NIPAL3: variants seen among roughly 807,000 people sequenced by gnomAD.
The protein encoded by NIPAL3 is NIPA-like protein 3.
NIPAL3 carries 41 observed loss-of-function variants against 47.2 expected under a neutral mutation model. The ratio of observed to expected loss-of-function variants is 0.87; its 90% CI spans 0.68 to 1.13. The LOEUF (loss-of-function observed/expected upper bound fraction) is 1.13. NIPAL3 is among the 50% of genes most tolerant of loss of function. The pLI is 0.00. For missense variants in NIPAL3, 449 were observed against 530.1 expected, an observed-to-expected ratio of 0.85 and a Z score of 1.50; for synonymous variants, 194 against 209.6, an observed-to-expected ratio of 0.93 and a Z score of 0.64.
intron 10 of NIPAL3, among the ~76,000 whole-genome samples, chr1:24,462,631 G>A (rs1053531131): frequency 6.6e-6 from 1 of 151,766 alleles, no homozygotes; most frequent in African/African-American, 2.4e-5. Flanking sequence ...GCCAGGCGTG[G>A]TGGCTTGCAC....
chr1:24,466,171 A>C, intron 11 of NIPAL3: 642 of 1,345,010 alleles, frequency 4.8e-4, no homozygotes, highest in Non-Finnish European at 6.1e-4. Context: ...TGGCACTCTC[A>C]GCCAGGCCTT....
At position 24,458,330 on chromosome 1, in the gene NIPAL3, GAGAA is replaced by G. The variant is rs560683928; in HGVS notation, c.774-555_774-552del. On this transcript the variant is annotated intron_variant, in intron 8 of 11. Coordinates refer to ENST00000374399, the MANE Select transcript of NIPAL3 (RefSeq NM_020448.5). The stretch of plus-strand genomic sequence containing the variant: ...TGAGCATGGTGTAAGCAACTATGCA[GAGAA>G]AGGGCAAAGAATATCTTCCAAAACA... Among the ~76,000 whole-genome samples, 18 of 152,348 alleles carry G rather than the reference GAGAA, an allele frequency of 1.2e-4. No individual in the cohort carries two copies. In the South Asian group the frequency reaches 3.7e-3, roughly 32 times the overall value.
At chr1:24,437,921 G>A (rs1645197510) in intron 2 of NIPAL3, among the ~76,000 whole-genome samples, 1 of 152,194 alleles carries the variant, frequency 6.6e-6, no homozygotes, top group African/African-American at 2.4e-5. Context: ...TCAAGTGAGA[G>A]TCATAGATGT....
intron 6 of NIPAL3, among the ~76,000 whole-genome samples, chr1:24,452,502 A>G (rs1645985543): frequency 1.3e-5 from 2 of 152,184 alleles, no homozygotes; most frequent in Non-Finnish European, 2.9e-5. Context: ...TTATGGGCCC[A>G]TAAAAAGAAT....
chr1:24,419,866 G>C, intron 2 of NIPAL3: 1 of 428,242 alleles, frequency 2.3e-6, no homozygotes, highest in South Asian at 2.2e-5. Flanking sequence ...GGCGGGTCAC[G>C]AGGTCAAGAG....
intron 2 of NIPAL3, among the ~76,000 whole-genome samples, chr1:24,435,399 G>C (rs1396759844): frequency 6.6e-6 from 1 of 152,164 alleles, no homozygotes; most frequent in Non-Finnish European, 1.5e-5. Context: ...GGCTTCTTTT[G>C]TGTTAAATAG....
intron 2 of NIPAL3, among the ~76,000 whole-genome samples, chr1:24,422,289 G>A (rs1163768209): frequency 6.6e-6 from 1 of 152,176 alleles, no homozygotes; most frequent in African/African-American, 2.4e-5. Flanking sequence ...CTGTTGGGAA[G>A]GGTATCAGAC....
At chr1:24,456,094 C>T (rs1190476898) in intron 7 of NIPAL3, 44 bp from the exon 8 acceptor site, 1 of 1,611,736 alleles carries the variant, frequency 6.2e-7, no homozygotes, top group Non-Finnish European at 8.5e-7. Context: ...TAACTCTCTG[C>T]ATTTCCCTGA....
chr1:24,471,182 C>T lies in NIPAL3; in HGVS notation c.*1997C>T, dbSNP rs1296528657. ...AGCATATAAAATAGGGTGATCACCC[C>T]CGAGGCAGAGGGGCCAGCATTTGCA... is the stretch of plus-strand genomic sequence containing the variant. On this transcript the variant is annotated 3_prime_UTR_variant, in exon 12 of 12. Coordinates refer to ENST00000374399, the MANE Select transcript of NIPAL3 (RefSeq NM_020448.5). 2.0e-5 allele frequency: 3 copies of T among 152,192 alleles called. No homozygotes were observed. The highest frequency in any genetic ancestry group is 6.5e-5 in the Admixed American group (1 of 15,276). The allele number at this position is 152,192 out of a possible 1,614,324, so 9.4% of individuals were successfully genotyped here.
intron 3 of NIPAL3, among the ~76,000 whole-genome samples, chr1:24,441,301 G>A (rs1296892819): frequency 2.6e-5 from 4 of 152,138 alleles, no homozygotes; most frequent in African/African-American, 4.8e-5. Context: ...GAGACCACGT[G>A]GTCTCTTAGC....
chr1:24,425,375 C>G (rs1644531521), intron 2 of NIPAL3, among the ~76,000 whole-genome samples: 1 of 151,994 alleles, frequency 6.6e-6, no homozygotes, highest in Admixed American at 6.6e-5. Context: ...TATGTGTTAC[C>G]CAAGACAATT....
At chr1:24,438,474 C>T (rs560205798) in intron 2 of NIPAL3, among the ~76,000 whole-genome samples, 1 of 152,364 alleles carries the variant, frequency 6.6e-6, no homozygotes, top group African/African-American at 2.4e-5. Flanking sequence ...TGCCCTCTCC[C>T]GTCCCTGGCC....
chr1:24,449,530 C>G lies in NIPAL3; in HGVS notation c.444C>G (p.Thr148=), dbSNP rs1645833043. 6 of 1,614,036 alleles carry G rather than the reference C, an allele frequency of 3.7e-6. No individual in the cohort carries two copies. Among genetic ancestry groups the G allele is most frequent in the African/African-American group, 1.3e-5 (1 of 75,012 alleles). The change falls in exon 6 of 12, where the codon ACC becomes ACG. Residue 148 remains threonine (T), a synonymous_variant. Coordinates refer to ENST00000374399, the MANE Select transcript of NIPAL3 (RefSeq NM_020448.5). This position sits in a 1 kb window ranked among gnomAD's most constrained non-coding sequence, Gnocchi z 4.5. ...FVGCGLAVVG[T]YLLVTFAPNS... ...GCTGCGGTTTGGCTGTCGTGGGTAC[C>G]TACCTGCTGGTGACATTCGCACCCA...
In NIPAL3 at chr1:24,471,063, C is replaced by T. The variant is rs1204206296; in HGVS notation, c.*1878C>T. On this transcript the variant is annotated 3_prime_UTR_variant, in exon 12 of 12. Coordinates refer to ENST00000374399, the MANE Select transcript of NIPAL3 (RefSeq NM_020448.5). ...GAAAATGACCGTCATGGAGACCCTGCTAAAGGTCGGACCCTGAGCCCAAAG... is the reference window on the plus strand; with the variant it reads ...GAAAATGACCGTCATGGAGACCCTGTTAAAGGTCGGACCCTGAGCCCAAAG... The T allele has an allele frequency of 6.6e-6, 1 of 152,222 alleles. No individual in the cohort carries two copies. The highest frequency in any genetic ancestry group is 1.9e-4 in the East Asian group (1 of 5,192). 9.4% of individuals were successfully genotyped at this position (152,222 alleles called of 1,614,324 possible). A position where few individuals can be genotyped will look rare whatever the true frequency, so the allele number is the denominator to read the frequency against.
Position 24,445,252 on chromosome 1 carries a change from C to G in NIPAL3, c.394+8C>G, listed in dbSNP as rs760613330. ...AACCGAAAGACTTTCTGAGTAAGTT[C>G]AGTGATTTGAGCTGTGTCCTTGATT... On this transcript the variant is annotated splice_region_variant and intron_variant, in intron 5 of 11. Transcript: ENST00000374399. 6.3e-7 allele frequency: 1 copy of G among 1,591,410 alleles called. No individual in the cohort carries two copies. The highest frequency in any genetic ancestry group is 1.7e-5 in the Admixed American group (1 of 59,958).
At chr1:24,418,210 A>G (rs1408362498) in intron 1 of NIPAL3, among the ~76,000 whole-genome samples, 1 of 152,244 alleles carries the variant, frequency 6.6e-6, no homozygotes, top group Non-Finnish European at 1.5e-5. Context: ...TATTAAAATA[A>G]ACATAGACTA....
At chr1:24,444,565 C>T (rs747656406) in intron 4 of NIPAL3, among the ~76,000 whole-genome samples, 22 of 152,154 alleles carry the variant, frequency 1.4e-4, no homozygotes, top group Admixed American at 1.1e-3. Context: ...AACTGAGACT[C>T]AGGTGAAGTG....
chr1:24,460,812 A>T (rs919302040), intron 10 of NIPAL3, among the ~76,000 whole-genome samples: 3 of 152,214 alleles, frequency 2.0e-5, no homozygotes, highest in Non-Finnish European at 2.9e-5. Flanking sequence ...CGGATCTAAG[A>T]AATGCATATT....
rs111983390 is a variant in NIPAL3, at chr1:24,453,590, G to A, written c.637+86G>A. On this transcript the variant is annotated intron_variant, in intron 7 of 11. Coordinates refer to ENST00000374399, the MANE Select transcript of NIPAL3 (RefSeq NM_020448.5). ...GGGTTTTGTTTGCAGAGCTGTAGCCGCTGGGCACAGAAGTTGCTTGAGACT... is the reference window on the plus strand; with the variant it reads ...GGGTTTTGTTTGCAGAGCTGTAGCCACTGGGCACAGAAGTTGCTTGAGACT... The A allele has an allele frequency of 2.4e-4, 256 of 1,054,216 alleles. No homozygotes were observed. The African/African-American group carries it at 3.5e-3, about 15-fold the overall frequency. 65.3% of individuals were successfully genotyped at this position (1,054,216 alleles called of 1,614,324 possible). A position where few individuals can be genotyped will look rare whatever the true frequency, so the allele number is the denominator to read the frequency against.
Sources: gnomAD v4.1 joint callset for allele counts (sites outside exome capture counted in the v4.1 genomes callset) on GRCh38, gnomAD v4.1.1 for gene constraint, Gnocchi (gnomAD v3.1) non-coding constraint, MANE v1.5 for transcripts, NCBI Gene and HGNC (gene_info 2026-07-23, HGNC 2026-07-21) for gene names.